The following CACNA1E variants were observed in gnomAD, a reference collection of about 807,000 sequenced individuals.
The protein encoded by CACNA1E is calcium voltage-gated channel subunit alpha1 E.
CACNA1E carries 40 observed loss-of-function variants against 259.2 expected under a neutral mutation model. The observed-to-expected ratio is 0.15, with a 90% confidence interval of 0.12 to 0.20. The LOEUF (loss-of-function observed/expected upper bound fraction) is 0.20, where lower values mean the gene tolerates loss of function less well. Among genes scored for constraint, CACNA1E ranks in the 10% least tolerant of loss-of-function variants. The probability of loss-of-function intolerance (pLI) is 1.00; values close to 1 mark genes in which losing one functional copy is unlikely to be tolerated. For synonymous variants in CACNA1E, 1,104 were observed against 1,138.5 expected (o/e 0.97, Z 0.61); for missense variants, 1,874 against 3,040.1 (o/e 0.62, Z 9.02).
intron 6 of CACNA1E, among the ~76,000 whole-genome samples, chr1:181,586,324 T>C (rs1652057704): frequency 6.6e-6 from 1 of 151,942 alleles, no homozygotes; most frequent in Admixed American, 6.6e-5. Context: ...AATAAATGAG[T>C]TCATGGTAGA....
chr1:181,359,693 G>A (rs1653720661), intron 1 of CACNA1E, among the ~76,000 whole-genome samples: 1 of 152,132 alleles, frequency 6.6e-6, no homozygotes. Flanking sequence ...GAGCTTCCCT[G>A]GTCTTTTCTC....
At chr1:181,623,937 G>T (rs893743062) in intron 6 of CACNA1E, among the ~76,000 whole-genome samples, 11 of 152,164 alleles carry the variant, frequency 7.2e-5, no homozygotes, top group African/African-American at 2.7e-4. Context: ...CCTGAGGCTG[G>T]ATATTTTATA....
chr1:181,404,289 G>A (rs997864869), intron 1 of CACNA1E, among the ~76,000 whole-genome samples: 1 of 152,192 alleles, frequency 6.6e-6, no homozygotes. Flanking sequence ...CAATTGGATT[G>A]TAATTGTTGG....
At chr1:181,543,134 T>C (rs1933048) in intron 3 of CACNA1E, among the ~76,000 whole-genome samples, 151,038 of 152,088 alleles carry the variant, frequency 0.99, 75,008 homozygotes, top group Middle Eastern at 1. Context: ...ACATCAGAAT[T>C]GTCTGGAAAG....
At chr1:181,738,124 C>T (rs906997658) in intron 23 of CACNA1E, among the ~76,000 whole-genome samples, 7 of 152,228 alleles carry the variant, frequency 4.6e-5, no homozygotes, top group African/African-American at 9.6e-5. Context: ...TTCTGGCCAA[C>T]GAGAGGGAGC....
chr1:181,720,094 C>T (rs1654284745), intron 13 of CACNA1E, 112 bp from the exon 14 acceptor site: 1 of 1,293,648 alleles, frequency 7.7e-7, no homozygotes, highest in Admixed American at 2.0e-5. Context: ...TTACTTCCTA[C>T]AAATATACAA....
intron 2 of CACNA1E, among the ~76,000 whole-genome samples, chr1:181,444,928 T>G (rs904683943): frequency 1.2e-4 from 18 of 152,152 alleles, no homozygotes; most frequent in African/African-American, 4.3e-4. Context: ...TTCCTCTGTC[T>G]TCTCTCTCTG....
At chr1:181,411,673 G>A (rs756176047) in intron 1 of CACNA1E, among the ~76,000 whole-genome samples, 37 of 151,952 alleles carry the variant, frequency 2.4e-4, no homozygotes, top group East Asian at 1.2e-3. Flanking sequence ...GCAATGGTGC[G>A]GTTTCAGCTC....
At chr1:181,399,930 T>A (rs1052485692) in intron 1 of CACNA1E, among the ~76,000 whole-genome samples, 6 of 152,218 alleles carry the variant, frequency 3.9e-5, no homozygotes, top group Non-Finnish European at 7.3e-5. Context: ...GTAATGGACA[T>A]TTAAACTGTA....
At chr1:181,420,449 G>A (rs572862601) in intron 2 of CACNA1E, among the ~76,000 whole-genome samples, 1 of 152,272 alleles carries the variant, frequency 6.6e-6, no homozygotes, top group African/African-American at 2.4e-5. Flanking sequence ...ATGTCACAAT[G>A]TTTTACTAAT....
At chr1:181,723,395 G>T (rs1250824870) in intron 16 of CACNA1E, among the ~76,000 whole-genome samples, 4 of 152,168 alleles carry the variant, frequency 2.6e-5, no homozygotes, top group African/African-American at 9.7e-5. Context: ...CCTTTTGAAT[G>T]TGGCTGAACA....
chr1:181,755,052 G>C (rs549165462), intron 27 of CACNA1E, among the ~76,000 whole-genome samples, 185 bp from the exon 28 acceptor site: 1 of 152,218 alleles, frequency 6.6e-6, no homozygotes, highest in Non-Finnish European at 1.5e-5. Flanking sequence ...GGTCCTTGCA[G>C]TCATAACCAG....
chr1:181,737,142 TTA>T (rs1447764950), intron 22 of CACNA1E, among the ~76,000 whole-genome samples: 1 of 152,246 alleles, frequency 6.6e-6, no homozygotes, highest in Non-Finnish European at 1.5e-5. Context: ...AGATCTCTTT[TTA>T]TGTTTTTTGG....
chr1:181,662,262 G>A (rs1332143919), intron 7 of CACNA1E, among the ~76,000 whole-genome samples: 1 of 152,206 alleles, frequency 6.6e-6, no homozygotes, highest in Non-Finnish European at 1.5e-5. Flanking sequence ...AAGACTCTAA[G>A]TGTCGTTTGT....
intron 3 of CACNA1E, among the ~76,000 whole-genome samples, chr1:181,572,249 C>T (rs1054718267): frequency 1.3e-5 from 2 of 152,170 alleles, no homozygotes; most frequent in African/African-American, 4.8e-5. Context: ...GGGCGACTAA[C>T]TTGGGGAGAG....
At chr1:181,660,671 G>C (rs1488652049) in intron 7 of CACNA1E, among the ~76,000 whole-genome samples, 4 of 152,176 alleles carry the variant, frequency 2.6e-5, no homozygotes, top group African/African-American at 4.8e-5. Context: ...AGACAGGAAT[G>C]GCTGCTGGTC....
chr1:181,662,258 C>CT (rs1647761985), intron 7 of CACNA1E, among the ~76,000 whole-genome samples: 1 of 152,172 alleles, frequency 6.6e-6, no homozygotes, highest in Non-Finnish European at 1.5e-5. Flanking sequence ...AGACAAGACT[C>CT]TAAGTGTCGT....
intron 7 of CACNA1E, among the ~76,000 whole-genome samples, chr1:181,680,616 C>A (rs1649859456): frequency 6.6e-6 from 1 of 152,200 alleles, no homozygotes; most frequent in Non-Finnish European, 1.5e-5. Flanking sequence ...GGGAAAACCT[C>A]CCGAGAGTGC....
At chr1:181,791,243 G>A (rs187051722) in intron 44 of CACNA1E, among the ~76,000 whole-genome samples, 5 of 152,304 alleles carry the variant, frequency 3.3e-5, no homozygotes, top group South Asian at 4.1e-4. Context: ...AGGCCAAGGC[G>A]GGCAGATCAT....
Sources: allele counts gnomAD v4.1 joint callset (sites outside exome capture counted in the v4.1 genomes callset), GRCh38; gene constraint gnomAD v4.1.1; transcripts MANE v1.5; gene names NCBI Gene and HGNC (gene_info 2026-07-23, HGNC 2026-07-21).